Variants in CLSTN2 observed in about 807,000 individuals in gnomAD.
The protein encoded by CLSTN2 is calsyntenin-2.
CLSTN2 carries 48 observed loss-of-function variants against 101.2 expected under a neutral mutation model. The observed-to-expected ratio is 0.47, with a 90% confidence interval of 0.38 to 0.60. The LOEUF (loss-of-function observed/expected upper bound fraction) is 0.60. Ranked by LOEUF, CLSTN2 falls within the 20% of genes least tolerant of loss-of-function variation. CLSTN2 has a pLI of 0.00. For missense variants in CLSTN2, 1,160 were observed against 1,238.2 expected, an observed-to-expected ratio of 0.94 and a Z score of 0.95; for synonymous variants, 481 against 463.6, an observed-to-expected ratio of 1.04 and a Z score of -0.48.
At chr3:140,071,812 C>A in intron 1 of CLSTN2, among the ~76,000 whole-genome samples, 1 of 150,378 alleles carries the variant, frequency 6.6e-6, no homozygotes, top group East Asian at 1.9e-4. Context: ...GGCTGGGGGA[C>A]AGAGTGAGAC....
At chr3:140,258,714 G>A (rs371455844) in intron 2 of CLSTN2, among the ~76,000 whole-genome samples, 3 of 151,998 alleles carry the variant, frequency 2.0e-5, no homozygotes, top group Non-Finnish European at 2.9e-5. Flanking sequence ...TCTTTGAACC[G>A]TTTTTTATGG....
At chr3:140,245,542 AT>A (rs889835273) in intron 2 of CLSTN2, among the ~76,000 whole-genome samples, 27 of 152,292 alleles carry the variant, frequency 1.8e-4, no homozygotes, top group African/African-American at 6.5e-4. Context: ...ACTAAAACAA[AT>A]TGTGGAAGGA....
rs191774193 is a variant in CLSTN2, at chr3:140,020,986, G to A, written c.109+85503G>A. On this transcript the variant is annotated intron_variant, in intron 1 of 16. Coordinates refer to ENST00000458420, the MANE Select transcript of CLSTN2 (RefSeq NM_022131.3). Reference sequence around the variant, plus strand: ...AACTATAAATGACTTAAAAACTTGTGTGCTCCCTTCTCCACCCAGCACTCA... The same window carrying A: ...AACTATAAATGACTTAAAAACTTGTATGCTCCCTTCTCCACCCAGCACTCA... Among the ~76,000 whole-genome samples, 6 of 152,264 alleles carry A rather than the reference G, an allele frequency of 3.9e-5. No homozygotes were observed. In the East Asian group the frequency reaches 9.6e-4, roughly 24 times the overall value.
intron 2 of CLSTN2, among the ~76,000 whole-genome samples, chr3:140,218,613 G>A (rs917228336): frequency 6.6e-6 from 1 of 152,088 alleles, no homozygotes; most frequent in African/African-American, 2.4e-5. Flanking sequence ...TTACATATCA[G>A]CAACTAGTTC....
chr3:140,480,861 A>G (rs1375155516), intron 8 of CLSTN2, among the ~76,000 whole-genome samples: 2 of 152,098 alleles, frequency 1.3e-5, no homozygotes, highest in Non-Finnish European at 2.9e-5. Context: ...TTGTCCAATG[A>G]GTAGATTGCA....
chr3:140,094,317 T>C (rs573131322), intron 1 of CLSTN2, among the ~76,000 whole-genome samples: 1 of 152,308 alleles, frequency 6.6e-6, no homozygotes, highest in East Asian at 1.9e-4. Flanking sequence ...CTGTCTGGCT[T>C]TAGAGACCAT....
chr3:140,348,364 A>G (rs528452685), intron 2 of CLSTN2, among the ~76,000 whole-genome samples: 5 of 152,176 alleles, frequency 3.3e-5, no homozygotes, highest in African/African-American at 7.2e-5. Flanking sequence ...TCTTGCTCTG[A>G]TCGCCCTTAT....
chr3:140,500,166 A>T (rs1934549522), intron 8 of CLSTN2, among the ~76,000 whole-genome samples: 1 of 152,272 alleles, frequency 6.6e-6, no homozygotes, highest in South Asian at 2.1e-4. Flanking sequence ...AGAAATTCAG[A>T]GTCAGCTTGT....
At chr3:140,055,902 T>C (rs1245018493) in intron 1 of CLSTN2, among the ~76,000 whole-genome samples, 6 of 152,288 alleles carry the variant, frequency 3.9e-5, no homozygotes, top group Admixed American at 2.6e-4. Flanking sequence ...TGCATCTACA[T>C]GAAAGAGCTG....
chr3:139,940,607 C>G, intron 1 of CLSTN2, among the ~76,000 whole-genome samples: 1 of 152,024 alleles, frequency 6.6e-6, no homozygotes, highest in Non-Finnish European at 1.5e-5. Flanking sequence ...AACTGTTATC[C>G]GTTCCTCTGT....
chr3:140,514,234 C>T (rs1178544095), intron 8 of CLSTN2, among the ~76,000 whole-genome samples: 3 of 152,076 alleles, frequency 2.0e-5, no homozygotes, highest in African/African-American at 7.2e-5. Flanking sequence ...TTGGTGCACA[C>T]ATCATCCAAG....
At chr3:140,339,921 T>A (rs2087475718) in intron 2 of CLSTN2, among the ~76,000 whole-genome samples, 3 of 152,198 alleles carry the variant, frequency 2.0e-5, no homozygotes, top group African/African-American at 7.2e-5. Context: ...ATGTGGGTCC[T>A]GACACTGGCT....
At chr3:140,337,240 A>G (rs775470339) in intron 2 of CLSTN2, among the ~76,000 whole-genome samples, 2 of 152,224 alleles carry the variant, frequency 1.3e-5, no homozygotes, top group Non-Finnish European at 2.9e-5. Context: ...TTGGCTCTTG[A>G]GCCTGGAAGT....
At chr3:140,427,355 C>A (rs2088583785) in intron 5 of CLSTN2, among the ~76,000 whole-genome samples, 1 of 151,452 alleles carries the variant, frequency 6.6e-6, no homozygotes, top group Non-Finnish European at 1.5e-5. Context: ...AAGGATAGGT[C>A]TGCCTCTCCC....
In CLSTN2 at chr3:140,556,509, C is replaced by T; in HGVS notation, c.1675-4C>T. On this transcript the variant is annotated splice_polypyrimidine_tract_variant and splice_region_variant and intron_variant, in intron 10 of 16. Coordinates refer to ENST00000458420, the MANE Select transcript of CLSTN2 (RefSeq NM_022131.3). ...CTTCCATGATGCTCACTTTTGTCTT[C>T]CAGTATCACTTCAACCCCTCGCAGT... The T allele has an allele frequency of 6.2e-7, 1 of 1,613,928 alleles. No individual in the cohort carries two copies. Among genetic ancestry groups the T allele is most frequent in the Non-Finnish European group, 8.5e-7 (1 of 1,179,848 alleles).
chr3:139,963,704 G>A (rs537410465), intron 1 of CLSTN2, among the ~76,000 whole-genome samples: 3 of 152,258 alleles, frequency 2.0e-5, no homozygotes, highest in South Asian at 2.1e-4. Context: ...GGGTTGTGCC[G>A]ACTGTCAGTT....
chr3:140,017,445 G>A (rs1479164944), intron 1 of CLSTN2, among the ~76,000 whole-genome samples: 5 of 152,230 alleles, frequency 3.3e-5, no homozygotes, highest in Non-Finnish European at 5.9e-5. Flanking sequence ...ATATAGGGAT[G>A]CTGAGATAAC....
intron 2 of CLSTN2, among the ~76,000 whole-genome samples, chr3:140,284,880 A>G (rs879723632): frequency 2.6e-5 from 4 of 152,012 alleles, no homozygotes; most frequent in Non-Finnish European, 4.4e-5. Context: ...GTCTTTCTCT[A>G]GCCCTTCCTG....
chr3:140,513,408 A>G (rs1359515312), intron 8 of CLSTN2, among the ~76,000 whole-genome samples: 2 of 152,274 alleles, frequency 1.3e-5, no homozygotes, highest in East Asian at 3.9e-4. Context: ...GATGAATCAC[A>G]TTTATTAATT....
Sources: gnomAD v4.1 joint callset for allele counts (sites outside exome capture counted in the v4.1 genomes callset) on GRCh38, gnomAD v4.1.1 for gene constraint, MANE v1.5 for transcripts, NCBI Gene and HGNC (gene_info 2026-07-23, HGNC 2026-07-21) for gene names.